The following LRRC7 variants were observed in gnomAD, a reference collection of about 807,000 sequenced individuals.
LRRC7 encodes leucine rich repeat containing 7.
A neutral mutation model predicts 175.7 loss-of-function variants in LRRC7; 23 were observed. The observed-to-expected ratio is 0.13, with a 90% CI of 0.09 to 0.19. The LOEUF is 0.19. Among genes scored for constraint, LRRC7 ranks in the 10% least tolerant of loss-of-function variants. The pLI is 1.00. For missense variants in LRRC7, 1,354 were observed against 1,904.7 expected (o/e 0.71, Z 5.38); for synonymous variants, 685 against 680.9 (o/e 1.01, Z -0.09).
At position 70,016,447 on chromosome 1, in the gene LRRC7, C is replaced by T. The variant is rs1571022156; in HGVS notation, c.1251-18C>T. On this transcript the variant is annotated intron_variant, in intron 13 of 26. Coordinates refer to ENST00000651989, the MANE Select transcript of LRRC7 (RefSeq NM_001370785.2). Reference sequence around the variant, plus strand: ...ATCCATCTTTACCCATGCTATTAGACTTTTTGTGTTTTTGCAGATTGAAGA... The same window carrying T: ...ATCCATCTTTACCCATGCTATTAGATTTTTTGTGTTTTTGCAGATTGAAGA... 1.9e-6 allele frequency: 3 copies of T among 1,559,510 alleles called. No individual in the cohort carries two copies. Among genetic ancestry groups the T allele is most frequent in the Non-Finnish European group, 2.6e-6 (3 of 1,151,040 alleles).
chr1:69,812,833 C>G (rs1265255135), intron 4 of LRRC7, among the ~76,000 whole-genome samples: 1 of 151,968 alleles, frequency 6.6e-6, no homozygotes, highest in East Asian at 1.9e-4. Context: ...CTAAATCATT[C>G]AAAATTTGGT....
chr1:69,790,483 T>C lies in LRRC7; in HGVS notation c.304-1560T>C, dbSNP rs183592902. On this transcript the variant is annotated intron_variant, in intron 3 of 26. Coordinates refer to ENST00000651989, the MANE Select transcript of LRRC7 (RefSeq NM_001370785.2). ...TTTATAAAACAAACAAATTGTGTTT[T>C]GAAGATCATTAGCCTGAACATGGCT... Among the ~76,000 whole-genome samples, 3 of 152,160 alleles carry C rather than the reference T, an allele frequency of 2.0e-5. No homozygotes were observed. The East Asian group carries it at 5.8e-4, about 29-fold the overall frequency.
intron 5 of LRRC7, among the ~76,000 whole-genome samples, chr1:69,827,640 T>C (rs1427278086): frequency 3.3e-5 from 5 of 152,036 alleles, no homozygotes; most frequent in African/African-American, 1.2e-4. Context: ...GAGTTTAAGA[T>C]TGGCCCTGGC....
intron 8 of LRRC7, among the ~76,000 whole-genome samples, chr1:69,953,931 C>T (rs1413633413): frequency 6.6e-6 from 1 of 151,986 alleles, no homozygotes; most frequent in Non-Finnish European, 1.5e-5. Context: ...TGAAAATAGT[C>T]ACCAGTTAAT....
chr1:69,850,128 G>A (rs929737875), intron 7 of LRRC7, among the ~76,000 whole-genome samples: 1 of 151,892 alleles, frequency 6.6e-6, no homozygotes, highest in African/African-American at 2.4e-5. Context: ...TTATGAACAG[G>A]TCCGGTTTGC....
intron 1 of LRRC7, among the ~76,000 whole-genome samples, chr1:69,579,744 C>G (rs1646114317): frequency 6.6e-6 from 1 of 152,058 alleles, no homozygotes; most frequent in African/African-American, 2.4e-5. Context: ...TGCTTCCCAG[C>G]CATAGCCATA....
chr1:70,130,909 TTTAAG>T lies in LRRC7; in HGVS notation c.*9024_*9028del, dbSNP rs1304515443. Among the ~76,000 whole-genome samples, 1 of 152,190 alleles carries T rather than the reference TTTAAG, an allele frequency of 6.6e-6. No individual in the cohort carries two copies. The highest frequency in any genetic ancestry group is 1.5e-5 in the Non-Finnish European group (1 of 68,026). On this transcript the variant is annotated 3_prime_UTR_variant, in exon 27 of 27. Coordinates refer to ENST00000651989, the MANE Select transcript of LRRC7 (RefSeq NM_001370785.2). ...AACTGCTGCCAAATGCTGCCCGTCCTTTAAGTAGATAAAAGAATAGTCTGTCTACA... is the reference window on the plus strand; with the variant it reads ...AACTGCTGCCAAATGCTGCCCGTCCTTAGATAAAAGAATAGTCTGTCTACA...
At chr1:70,058,736 A>G (rs1351650800) in intron 23 of LRRC7, among the ~76,000 whole-genome samples, 2 of 152,230 alleles carry the variant, frequency 1.3e-5, no homozygotes, top group Admixed American at 1.3e-4. Context: ...CACCTGGGTA[A>G]CTTATCATTT....
chr1:69,630,910 A>G (rs886287631), intron 1 of LRRC7, among the ~76,000 whole-genome samples: 1 of 152,142 alleles, frequency 6.6e-6, no homozygotes, highest in African/African-American at 2.4e-5. Flanking sequence ...TTTTGTAAAA[A>G]TTGCTTATAT....
At chr1:69,947,417 T>C (rs1356883646) in intron 8 of LRRC7, among the ~76,000 whole-genome samples, 1 of 151,986 alleles carries the variant, frequency 6.6e-6, no homozygotes, top group African/African-American at 2.4e-5. Context: ...TTTTCTTTTG[T>C]GTATCATCAA....
chr1:69,982,608 C>CA (rs2101891735), intron 9 of LRRC7, among the ~76,000 whole-genome samples: 1 of 152,288 alleles, frequency 6.6e-6, no homozygotes, highest in South Asian at 2.1e-4. Context: ...TTTCACAAGT[C>CA]AGAGAAGCAA....
intron 11 of LRRC7, among the ~76,000 whole-genome samples, chr1:70,000,029 G>T (rs775920373): frequency 7.2e-5 from 11 of 152,116 alleles, no homozygotes; most frequent in Non-Finnish European, 1.5e-4. Flanking sequence ...GAGTAGGGGA[G>T]TACTTTCAAT....
chr1:69,733,391 A>G (rs1163744835), intron 2 of LRRC7, among the ~76,000 whole-genome samples: 1 of 152,024 alleles, frequency 6.6e-6, no homozygotes, highest in African/African-American at 2.4e-5. Flanking sequence ...CAGAGAAGAG[A>G]GTGTAAAATT....
chr1:70,052,874 A>T, intron 22 of LRRC7, 152 bp from the exon 23 acceptor site: 2 of 625,588 alleles, frequency 3.2e-6, no homozygotes, highest in Non-Finnish European at 4.9e-6. Flanking sequence ...GTTCTTACCC[A>T]GTAAATAGTA....
intron 1 of LRRC7, among the ~76,000 whole-genome samples, chr1:69,663,481 C>A (rs1657782584): frequency 6.6e-6 from 1 of 152,022 alleles, no homozygotes; most frequent in South Asian, 2.1e-4. Flanking sequence ...TATGAGCAAT[C>A]CAATTATGCT....
At chr1:69,971,460 C>A (rs953881838) in intron 8 of LRRC7, among the ~76,000 whole-genome samples, 2 of 152,154 alleles carry the variant, frequency 1.3e-5, no homozygotes, top group African/African-American at 4.8e-5. Flanking sequence ...AAATCAGTAG[C>A]TCTTCTATAC....
At chr1:70,011,564 A>G (rs1016471540) in intron 11 of LRRC7, among the ~76,000 whole-genome samples, 1 of 152,154 alleles carries the variant, frequency 6.6e-6, no homozygotes, top group South Asian at 2.1e-4. Flanking sequence ...GTCGTTTTCA[A>G]TGGCTGTTAA....
intron 2 of LRRC7, among the ~76,000 whole-genome samples, chr1:69,679,564 A>T (rs747839259): frequency 4.6e-5 from 7 of 152,130 alleles, no homozygotes; most frequent in Non-Finnish European, 2.9e-5. Flanking sequence ...CACCATAAAC[A>T]ATATTTAACT....
chr1:69,856,810 A>T (rs1683695668), intron 7 of LRRC7, among the ~76,000 whole-genome samples: 2 of 152,188 alleles, frequency 1.3e-5, no homozygotes, highest in Admixed American at 6.6e-5. Flanking sequence ...GACACAACAA[A>T]AAAAGAGAAT....
Sources: gnomAD v4.1 joint callset for allele counts (sites outside exome capture counted in the v4.1 genomes callset) on GRCh38, gnomAD v4.1.1 for gene constraint, MANE v1.5 for transcripts, NCBI Gene and HGNC (gene_info 2026-07-23, HGNC 2026-07-21) for gene names.